The following CYP2U1 variants were observed in gnomAD, a reference collection of about 807,000 sequenced individuals.
CYP2U1 encodes the protein cytochrome P450 2U1.
In CYP2U1, 28 loss-of-function variants were observed where a neutral mutation model predicts 42.8. That is an observed-to-expected ratio of 0.65 (90% CI 0.48 to 0.90). The LOEUF (loss-of-function observed/expected upper bound fraction) is 0.90. Among genes scored for constraint, CYP2U1 ranks in the 40% least tolerant of loss-of-function variants. The pLI is 0.00. For missense variants in CYP2U1, 642 were observed against 693.8 expected, an observed-to-expected ratio of 0.93 and a Z score of 0.84; for synonymous variants, 296 against 278.9, an observed-to-expected ratio of 1.06 and a Z score of -0.61.
intron 4 of CYP2U1, among the ~76,000 whole-genome samples, chr4:107,949,914 T>C (rs1386344529): frequency 6.6e-6 from 1 of 152,100 alleles, no homozygotes; most frequent in Non-Finnish European, 1.5e-5. Context: ...CTTATCTGAA[T>C]TTTTTTGCCT....
rs1437467298 is a variant in CYP2U1, at chr4:107,951,737, T to G, written c.*1314T>G. 2 of 152,242 alleles carry G rather than the reference T, an allele frequency of 1.3e-5. No homozygotes were observed. The highest frequency in any genetic ancestry group is 3.8e-4 in the East Asian group (2 of 5,200). The allele number at this position is 152,242 out of a possible 1,614,324, so 9.4% of individuals were successfully genotyped here. ...TCCCACAGTGCTCCATGTACAGAAG[T>G]AAGCATAGCAGTCATATGAGCAACC... On this transcript the variant is annotated 3_prime_UTR_variant, in exon 5 of 5. Coordinates refer to ENST00000332884, the MANE Select transcript of CYP2U1 (RefSeq NM_183075.3).
intron 1 of CYP2U1, among the ~76,000 whole-genome samples, chr4:107,935,126 T>C (rs951124530): frequency 6.6e-6 from 1 of 152,224 alleles, no homozygotes; most frequent in South Asian, 2.1e-4. Context: ...TCTCTTCCTC[T>C]GGATTTCTTA....
chr4:107,950,495 C>A lies in CYP2U1; in HGVS notation c.*72C>A. 1 of 1,444,786 alleles carries A rather than the reference C, an allele frequency of 6.9e-7. No individual in the cohort carries two copies. Among genetic ancestry groups the A allele is most frequent in the Non-Finnish European group, 9.2e-7 (1 of 1,087,632 alleles). The allele number at this position is 1,444,786 out of a possible 1,614,324, so 89.5% of individuals were successfully genotyped here. A position where few individuals can be genotyped will look rare whatever the true frequency, so the allele number is the denominator to read the frequency against. ...CCTTCTAAGCAGATTCTTCCTACTG[C>A]AAAGGACAGTGAATCCAGCAACTCA... is the stretch of plus-strand genomic sequence containing the variant. On this transcript the variant is annotated 3_prime_UTR_variant, in exon 5 of 5. Transcript: ENST00000332884.
intron 2 of CYP2U1, 23 bp downstream of exon 2, chr4:107,945,628 G>C: frequency 6.5e-7 from 1 of 1,531,098 alleles, no homozygotes; most frequent in Middle Eastern, 1.8e-4. Context: ...TGTTTCCTTT[G>C]TTCATGGCAA....
chr4:107,952,380 G>T lies in CYP2U1; in HGVS notation c.*1957G>T, dbSNP rs1392538821. 1 of 152,250 alleles carries T rather than the reference G, an allele frequency of 6.6e-6. No homozygotes were observed. The highest frequency in any genetic ancestry group is 1.9e-4 in the East Asian group (1 of 5,202). The allele number at this position is 152,250 out of a possible 1,614,324, so 9.4% of individuals were successfully genotyped here. A position where few individuals can be genotyped will look rare whatever the true frequency, so the allele number is the denominator to read the frequency against. On this transcript the variant is annotated 3_prime_UTR_variant, in exon 5 of 5. Coordinates refer to ENST00000332884, the MANE Select transcript of CYP2U1 (RefSeq NM_183075.3). Reference sequence around the variant, plus strand: ...AGAATGTAAACTCCCACCACCTGGAGACTAGGCCATATCCAGGGACCTCAC... The same window carrying T: ...AGAATGTAAACTCCCACCACCTGGATACTAGGCCATATCCAGGGACCTCAC...
intron 1 of CYP2U1, 49 bp downstream of exon 1, chr4:107,932,182 C>A (rs779513958): frequency 1.3e-5 from 21 of 1,555,848 alleles, no homozygotes; most frequent in Middle Eastern, 1.8e-4. Flanking sequence ...GCGGATGAGT[C>A]TCCAGGTGCG....
chr4:107,936,125 A>G (rs915744924), intron 1 of CYP2U1: 1 of 152,222 alleles, frequency 6.6e-6, no homozygotes, highest in African/African-American at 2.4e-5. Context: ...TAAAAACTAC[A>G]GTAAACTAGA....
chr4:107,936,829 A>ATACT (rs1733288381), intron 1 of CYP2U1, among the ~76,000 whole-genome samples: 1 of 152,228 alleles, frequency 6.6e-6, no homozygotes, highest in Admixed American at 6.5e-5. Flanking sequence ...CCTATGTTGG[A>ATACT]TACTTAAAGT....
intron 3 of CYP2U1, 145 bp downstream of exon 3, chr4:107,947,682 T>G: frequency 2.5e-6 from 2 of 812,798 alleles, no homozygotes; most frequent in Non-Finnish European, 3.8e-6. Context: ...ATAAAATGTC[T>G]AGGGAATGTT....
At position 107,950,637 on chromosome 4, in the gene CYP2U1, TG is replaced by T. The variant is rs897003623; in HGVS notation, c.*219del. ...ATTTTAGTAATGCAGGTCTGTGATT[TG>T]GGGGATAGAAAACAAAGTACCTATG... is the stretch of plus-strand genomic sequence containing the variant. On this transcript the variant is annotated 3_prime_UTR_variant, in exon 5 of 5. Transcript: ENST00000332884. 1 of 421,864 alleles carries T rather than the reference TG, an allele frequency of 2.4e-6. No individual in the cohort carries two copies. The highest frequency in any genetic ancestry group is 2.0e-5 in the African/African-American group (1 of 49,612). The allele number at this position is 421,864 out of a possible 1,614,324, so 26.1% of individuals were successfully genotyped here. A position where few individuals can be genotyped will look rare whatever the true frequency, so the allele number is the denominator to read the frequency against.
chr4:107,949,755 G>T (rs1422038423), intron 4 of CYP2U1, among the ~76,000 whole-genome samples: 1 of 152,092 alleles, frequency 6.6e-6, no homozygotes, highest in East Asian at 1.9e-4. Flanking sequence ...AGGTAATTTT[G>T]GGGGGTCCCA....
intron 1 of CYP2U1, chr4:107,937,983 A>G (rs577951139): frequency 1.1e-4 from 16 of 152,300 alleles, no homozygotes; most frequent in African/African-American, 3.6e-4. Flanking sequence ...ATCAATGTCA[A>G]TTTAGTCTAT....
chr4:107,945,438 T>G lies in CYP2U1; in HGVS notation c.959T>G (p.Met320Arg), dbSNP rs561731950. The G allele has an allele frequency of 2.5e-6, 4 of 1,614,108 alleles. No homozygotes were observed. The highest frequency in any genetic ancestry group is 3.3e-5 in the Admixed American group (2 of 60,010). Residue 320 changes from methionine to arginine, a missense_variant, in exon 2 of 5, where the codon ATG becomes AGG. Coordinates refer to ENST00000332884, the MANE Select transcript of CYP2U1 (RefSeq NM_183075.3). ...GAGAACCCTCAGGACTTCATAGACA[T>G]GTACCTTCTCCACATGGAAGAGGAG... ...DRENPQDFID[M>R]YLLHMEEERK...
chr4:107,945,341 A>C lies in CYP2U1; in HGVS notation c.862A>C (p.Arg288=). 6.2e-7 allele frequency: 1 copy of C among 1,614,160 alleles called. No homozygotes were observed. The highest frequency in any genetic ancestry group is 1.1e-5 in the South Asian group (1 of 91,078). The part of the protein sequence containing the change: ...YLPFGPFKEL[R]QIEKDITSFL... The stretch of plus-strand genomic sequence containing the variant: ...TCCCTTTGGACCATTTAAGGAATTA[A>C]GACAAATTGAAAAGGATATAACCAG... Residue 288 remains arginine (R), a synonymous_variant, in exon 2 of 5, where the codon AGA becomes CGA. Coordinates refer to ENST00000332884, the MANE Select transcript of CYP2U1 (RefSeq NM_183075.3).
rs1459719665 is a variant in CYP2U1, at chr4:107,952,275, T to C, written c.*1852T>C. The C allele has an allele frequency of 6.6e-6, 1 of 152,238 alleles. No individual in the cohort carries two copies. The highest frequency in any genetic ancestry group is 1.5e-5 in the Non-Finnish European group (1 of 68,042). 9.4% of individuals were successfully genotyped at this position (152,238 alleles called of 1,614,324 possible). On this transcript the variant is annotated 3_prime_UTR_variant, in exon 5 of 5. Coordinates refer to ENST00000332884, the MANE Select transcript of CYP2U1 (RefSeq NM_183075.3). ...CCATTAAAGCCAGTTTTTAAAAAAA[T>C]CACTGGACTTTTGTGTTTACCATTT...
intron 3 of CYP2U1, among the ~76,000 whole-genome samples, chr4:107,948,758 G>T (rs1733803767): frequency 6.6e-6 from 1 of 151,986 alleles, no homozygotes; most frequent in African/African-American, 2.4e-5. Context: ...TAGTATAATG[G>T]GCTTGATCTA....
Position 107,949,419 on chromosome 4 carries a change from C to T in CYP2U1, c.1358C>T (p.Pro453Leu), listed in dbSNP as rs760397060. 4 of 1,611,340 alleles carry T rather than the reference C, an allele frequency of 2.5e-6. No homozygotes were observed. Among genetic ancestry groups the T allele is most frequent in the Non-Finnish European group, 3.4e-6 (4 of 1,178,432 alleles). The change falls in exon 4 of 5, where the codon CCA becomes CTA. Residue 453 changes from proline (P) to leucine (L), a missense_variant. Transcript: ENST00000332884. Reference sequence around the variant, plus strand: ...AACCTGTGGTCAGTACATAGAGACCCAGCCATTTGGGAGAAACCGGAGGAT... The same window carrying T: ...AACCTGTGGTCAGTACATAGAGACCTAGCCATTTGGGAGAAACCGGAGGAT... ...LPNLWSVHRDPAIWEKPEDFY... is the reference protein window; with the variant it reads ...LPNLWSVHRDLAIWEKPEDFY...
In CYP2U1 at chr4:107,950,621, A is replaced by C. The variant is rs538686178; in HGVS notation, c.*198A>C. ...GCAGGATACTTCAGCCATTTTAGTA[A>C]TGCAGGTCTGTGATTTGGGGGATAG... On this transcript the variant is annotated 3_prime_UTR_variant, in exon 5 of 5. Transcript: ENST00000332884. 7 of 463,940 alleles carry C rather than the reference A, an allele frequency of 1.5e-5. No homozygotes were observed. In the South Asian group the frequency reaches 4.0e-4, roughly 27 times the overall value. The allele number at this position is 463,940 out of a possible 1,614,324, so 28.7% of individuals were successfully genotyped here. A position where few individuals can be genotyped will look rare whatever the true frequency, so the allele number is the denominator to read the frequency against.
At position 107,947,513 on chromosome 4, in the gene CYP2U1, C is replaced by G. The variant is rs1733742814; in HGVS notation, c.1264C>G (p.Pro422Ala). ...AACTGTGGTGGTGCCGCTTGCCATT[C>G]CTCATATGACCTCAGAGAACACAGG... ...RLTVVVPLAIPHMTSENTVLQ... is the reference protein window; with the variant it reads ...RLTVVVPLAIAHMTSENTVLQ... Residue 422 changes from proline (P) to alanine (A), a missense_variant, in exon 3 of 5, where the codon CCT becomes GCT. Coordinates refer to ENST00000332884, the MANE Select transcript of CYP2U1 (RefSeq NM_183075.3). 6.2e-7 allele frequency: 1 copy of G among 1,614,034 alleles called. No individual in the cohort carries two copies. The highest frequency in any genetic ancestry group is 1.7e-5 in the Admixed American group (1 of 59,980).
Sources: allele counts gnomAD v4.1 joint callset (sites outside exome capture counted in the v4.1 genomes callset), GRCh38; gene constraint gnomAD v4.1.1; transcripts MANE v1.5; gene names NCBI Gene and HGNC (gene_info 2026-07-23, HGNC 2026-07-21).